FAM210A: variants seen among roughly 807,000 people sequenced by gnomAD.
The protein encoded by FAM210A is mitochondrial inner membrane scaffold 1, also known as family with sequence similarity 210 member A.
In FAM210A, 13 loss-of-function variants were observed where a neutral mutation model predicts 25.3. The observed-to-expected ratio is 0.51, with a 90% CI of 0.33 to 0.82. The LOEUF (loss-of-function observed/expected upper bound fraction) is 0.82. Among genes scored for constraint, FAM210A ranks in the 40% least tolerant of loss-of-function variants. The pLI is 0.02. For synonymous variants in FAM210A, 125 were observed against 118.7 expected (o/e 1.05, Z -0.35); for missense variants, 319 against 323.2 (o/e 0.99, Z 0.10).
At chr18:13,698,831 G>A (rs1045804404) in intron 1 of FAM210A, among the ~76,000 whole-genome samples, 17 of 152,084 alleles carry the variant, frequency 1.1e-4, no homozygotes, top group African/African-American at 3.9e-4. Context: ...CCCTCCCCCC[G>A]ATACCTATAA....
At chr18:13,669,121 C>T (rs568261186) in intron 3 of FAM210A, among the ~76,000 whole-genome samples, 7 of 152,284 alleles carry the variant, frequency 4.6e-5, no homozygotes, top group South Asian at 2.1e-4. Flanking sequence ...GTCTTTAAAA[C>T]GTATCGAGAA....
At chr18:13,713,001 CTCTA>C (rs1276872038) in intron 1 of FAM210A, among the ~76,000 whole-genome samples, 3 of 152,154 alleles carry the variant, frequency 2.0e-5, no homozygotes, top group Admixed American at 6.5e-5. Context: ...TCCAGCCCAG[CTCTA>C]TCTTTCGTTG....
intron 1 of FAM210A, among the ~76,000 whole-genome samples, chr18:13,684,468 A>G (rs960689493): frequency 4.6e-5 from 7 of 152,206 alleles, no homozygotes; most frequent in Admixed American, 2.0e-4. Context: ...TTCTTTGATT[A>G]TAAGAGTTAA....
At chr18:13,681,351 G>C (rs2043551616) in intron 2 of FAM210A, among the ~76,000 whole-genome samples, 1 of 152,054 alleles carries the variant, frequency 6.6e-6, no homozygotes, top group Non-Finnish European at 1.5e-5. Flanking sequence ...TCATAAAATG[G>C]GTGTAACTGT....
At chr18:13,708,173 C>CTAAA in intron 1 of FAM210A, among the ~76,000 whole-genome samples, 1 of 152,236 alleles carries the variant, frequency 6.6e-6, no homozygotes, top group African/African-American at 2.4e-5. Context: ...AGTCCTTTAA[C>CTAAA]GCTGGGTTTG....
At chr18:13,725,866 G>T (rs2043940237) in intron 1 of FAM210A, among the ~76,000 whole-genome samples, 5 of 152,172 alleles carry the variant, frequency 3.3e-5, no homozygotes. Context: ...GGTATAGGCG[G>T]TCCCTTTTCT....
intron 1 of FAM210A, among the ~76,000 whole-genome samples, chr18:13,696,567 G>T (rs898218736): frequency 6.6e-6 from 1 of 152,158 alleles, no homozygotes; most frequent in Admixed American, 6.5e-5. Context: ...TAAAAGAGCA[G>T]AAAAATTCCT....
intron 1 of FAM210A, among the ~76,000 whole-genome samples, chr18:13,686,506 CACTT>C (rs2043598186): frequency 2.0e-5 from 3 of 152,152 alleles, no homozygotes; most frequent in Admixed American, 2.0e-4. Context: ...TTTAAAAATC[CACTT>C]ACTTATAACT....
chr18:13,671,716 T>C (rs2043444037), intron 3 of FAM210A, 146 bp downstream of exon 3: 1 of 456,410 alleles, frequency 2.2e-6, no homozygotes, highest in Non-Finnish European at 3.9e-6. Context: ...AAAATTATCT[T>C]ACATTATTCA....
chr18:13,726,267 CA>C (rs1310837809), intron 1 of FAM210A, 61 bp downstream of exon 1: 2 of 152,550 alleles, frequency 1.3e-5, no homozygotes, highest in African/African-American at 4.8e-5. Context: ...GACACACGCC[CA>C]GGGTTGAAGG....
intron 2 of FAM210A, among the ~76,000 whole-genome samples, chr18:13,676,961 C>A (rs1162779855): frequency 6.6e-6 from 1 of 152,144 alleles, no homozygotes; most frequent in African/African-American, 2.4e-5. Context: ...CAGACAAAAC[C>A]CCGCAGACAC....
chr18:13,691,292 A>G (rs1191433113), intron 1 of FAM210A, among the ~76,000 whole-genome samples: 1 of 152,232 alleles, frequency 6.6e-6, no homozygotes, highest in Non-Finnish European at 1.5e-5. Context: ...GGTGTACCTG[A>G]AAGTGATGGG....
intron 3 of FAM210A, 27 bp downstream of exon 3, chr18:13,671,835 G>T: frequency 6.9e-7 from 1 of 1,448,648 alleles, no homozygotes; most frequent in South Asian, 1.1e-5. Context: ...GAGTTCTGAG[G>T]AGCAATGGGT....
At chr18:13,690,124 A>G (rs998950789) in intron 1 of FAM210A, among the ~76,000 whole-genome samples, 2 of 152,230 alleles carry the variant, frequency 1.3e-5, no homozygotes, top group South Asian at 2.1e-4. Flanking sequence ...CCTGGCTCAG[A>G]GGGTTGCACC....
intron 1 of FAM210A, among the ~76,000 whole-genome samples, chr18:13,704,431 C>T (rs1194236486): frequency 2.6e-5 from 4 of 152,164 alleles, no homozygotes; most frequent in African/African-American, 7.2e-5. Context: ...TCTTAAAGAA[C>T]TGATCTACTC....
chr18:13,707,439 T>C (rs2043787468), intron 1 of FAM210A, among the ~76,000 whole-genome samples: 1 of 152,238 alleles, frequency 6.6e-6, no homozygotes, highest in African/African-American at 2.4e-5. Flanking sequence ...AAACAGGACA[T>C]TCTGGCATAA....
rs369103421 is a variant in FAM210A at position 13,715,650 on chromosome 18, A to C, written c.-29+10679T>G. ...CATTTTCCATATTCTGAACTTCAAGATATCACCAAACTTGCACAGAGTTAT... is the reference window on the plus strand; with the variant it reads ...CATTTTCCATATTCTGAACTTCAAGCTATCACCAAACTTGCACAGAGTTAT... On this transcript the variant is annotated intron_variant, in intron 1 of 3. Transcript: ENST00000651643. Among the ~76,000 whole-genome samples the C allele has an allele frequency of 3.3e-5, 5 of 152,228 alleles. No homozygotes were observed. The South Asian group carries it at 1.0e-3, about 32-fold the overall frequency.
intron 2 of FAM210A, among the ~76,000 whole-genome samples, chr18:13,674,145 T>C (rs1419828725): frequency 6.6e-6 from 1 of 151,258 alleles, no homozygotes; most frequent in African/African-American, 2.4e-5. Context: ...GGCTTCTTTA[T>C]TTCCAGTTTC....
At chr18:13,682,722 A>G (rs1038847495) in intron 1 of FAM210A, among the ~76,000 whole-genome samples, 3 of 152,214 alleles carry the variant, frequency 2.0e-5, no homozygotes, top group African/African-American at 7.2e-5. Flanking sequence ...TACAAAAATT[A>G]GCCGGGAATG....
Sources: allele counts gnomAD v4.1 joint callset (sites outside exome capture counted in the v4.1 genomes callset), GRCh38; gene constraint gnomAD v4.1.1; transcripts MANE v1.5; gene names NCBI Gene and HGNC (gene_info 2026-07-23, HGNC 2026-07-21).